NELL1: variants seen among roughly 807,000 people sequenced by gnomAD.
NELL1 encodes the protein protein kinase C-binding protein NELL1.
In NELL1, 76 loss-of-function variants were observed where a neutral mutation model predicts 107.4. The ratio of observed to expected loss-of-function variants is 0.71; its 90% confidence interval spans 0.59 to 0.86. The LOEUF (loss-of-function observed/expected upper bound fraction) is 0.86, where lower values mean the gene tolerates loss of function less well. Ranked by LOEUF, NELL1 falls within the 40% of genes least tolerant of loss-of-function variation. The probability of loss-of-function intolerance (pLI) is 0.00; values close to 1 mark genes in which losing one functional copy is unlikely to be tolerated. For missense variants in NELL1, 1,024 were observed against 1,005.5 expected, an observed-to-expected ratio of 1.02 and a Z score of -0.25; for synonymous variants, 353 against 341.2, an observed-to-expected ratio of 1.03 and a Z score of -0.38.
rs60248049 is a variant in NELL1, at chr11:21,390,510, AACACAC to A, written c.1645+19585_1645+19590del. On this transcript the variant is annotated intron_variant, in intron 15 of 19. Coordinates refer to ENST00000357134, the MANE Select transcript of NELL1 (RefSeq NM_006157.5). The stretch of plus-strand genomic sequence containing the variant: ...CGCTCATCCACAGTGTGTGTGGATG[AACACAC>A]ACACACACACACACACACACACGTG... Among the ~76,000 whole-genome samples the A allele has an allele frequency of 4.2e-3, 595 of 142,824 alleles. 6 individuals carry two copies. Among genetic ancestry groups the A allele is most frequent in the African/African-American group, 0.014 (538 of 39,326 alleles). 93.7% of individuals were successfully genotyped at this position (142,824 alleles called of 152,430 possible). A position where few individuals can be genotyped will look rare whatever the true frequency, so the allele number is the denominator to read the frequency against.
At chr11:21,367,671 A>C (rs4488195) in intron 14 of NELL1, among the ~76,000 whole-genome samples, 137,187 of 152,128 alleles carry the variant, frequency 0.9, 61,955 homozygotes, top group East Asian at 0.95. Flanking sequence ...CTGTGTGGGT[A>C]TACATTGGTA....
At chr11:20,800,538 G>A (rs1405299007) in intron 3 of NELL1, among the ~76,000 whole-genome samples, 1 of 152,052 alleles carries the variant, frequency 6.6e-6, no homozygotes, top group Non-Finnish European at 1.5e-5. Context: ...TTTTTAAATT[G>A]GATTATTTGT....
intron 15 of NELL1, among the ~76,000 whole-genome samples, chr11:21,375,178 ATAGT>A (rs944145326): frequency 1.3e-5 from 2 of 151,972 alleles, no homozygotes; most frequent in African/African-American, 2.4e-5. Flanking sequence ...ACAGTACTCA[ATAGT>A]TAGTTTTTCA....
intron 14 of NELL1, among the ~76,000 whole-genome samples, chr11:21,259,570 G>A (rs1858853178): frequency 6.6e-6 from 1 of 151,868 alleles, no homozygotes; most frequent in Non-Finnish European, 1.5e-5. Flanking sequence ...TAGACAGACT[G>A]GGGTCGGTAG....
chr11:20,939,035 T>C (rs1025717753), intron 10 of NELL1, among the ~76,000 whole-genome samples: 2 of 151,718 alleles, frequency 1.3e-5, no homozygotes, highest in South Asian at 2.1e-4. Flanking sequence ...GGAGGAGTGA[T>C]TGGAGGAGCA....
Position 20,847,584 on chromosome 11 carries a change from T to C in NELL1, c.337T>C (p.Tyr113His). The change falls in exon 4 of 20, where the codon TAT becomes CAT. Residue 113 changes from tyrosine to histidine, a missense_variant and splice_region_variant. Physicochemically the swap from Tyr to His is moderately conservative, Grantham distance 83 (BLOSUM62 2). Coordinates refer to ENST00000357134, the MANE Select transcript of NELL1 (RefSeq NM_006157.5). ...ILSIRELEHS[Y>H]FELESSGLRD... Reference sequence around the variant, plus strand: ...AAATGTTTGTTCCTTTACATACAGCTATTTTGAACTGGAGAGCAGTGGCCT... The same window carrying C: ...AAATGTTTGTTCCTTTACATACAGCCATTTTGAACTGGAGAGCAGTGGCCT... 1 of 1,611,952 alleles carries C rather than the reference T, an allele frequency of 6.2e-7. No individual in the cohort carries two copies. The highest frequency in any genetic ancestry group is 8.5e-7 in the Non-Finnish European group (1 of 1,179,146).
chr11:21,164,105 T>G (rs1451434077), intron 13 of NELL1, among the ~76,000 whole-genome samples: 1 of 152,184 alleles, frequency 6.6e-6, no homozygotes, highest in African/African-American at 2.4e-5. Flanking sequence ...ACCTTGATCT[T>G]AAATGTCTAG....
intron 12 of NELL1, among the ~76,000 whole-genome samples, chr11:21,047,060 T>A (rs1440812810): frequency 6.6e-6 from 1 of 152,004 alleles, no homozygotes; most frequent in East Asian, 1.9e-4. Flanking sequence ...GTTTTTCAGA[T>A]GATTAGAGGA....
intron 2 of NELL1, among the ~76,000 whole-genome samples, chr11:20,693,145 C>T (rs1854515307): frequency 6.6e-6 from 1 of 151,644 alleles, no homozygotes; most frequent in African/African-American, 2.4e-5. Context: ...CTTGGTAGAT[C>T]TTCCTCCATC....
At chr11:21,302,220 C>T (rs527640868) in intron 14 of NELL1, among the ~76,000 whole-genome samples, 187 of 152,162 alleles carry the variant, frequency 1.2e-3, no homozygotes, top group African/African-American at 4.1e-3. Flanking sequence ...TGTGAGGTTG[C>T]AGTCAGATAG....
intron 13 of NELL1, among the ~76,000 whole-genome samples, chr11:21,130,174 A>G (rs1855582828): frequency 6.6e-6 from 1 of 152,156 alleles, no homozygotes; most frequent in Non-Finnish European, 1.5e-5. Context: ...AGGATTAGGT[A>G]TGGATGCTTG....
At chr11:20,916,884 A>G (rs1434977681) in intron 5 of NELL1, among the ~76,000 whole-genome samples, 1 of 151,934 alleles carries the variant, frequency 6.6e-6, no homozygotes, top group Non-Finnish European at 1.5e-5. Context: ...TCTTTTCCAG[A>G]TGAAGCAACT....
chr11:21,291,709 A>G (rs1849266614), intron 14 of NELL1, among the ~76,000 whole-genome samples: 2 of 152,200 alleles, frequency 1.3e-5, no homozygotes, highest in African/African-American at 2.4e-5. Context: ...CCAGCAGCAC[A>G]TCAAAAAGTT....
intron 9 of NELL1, among the ~76,000 whole-genome samples, chr11:20,929,511 G>T (rs1850572671): frequency 6.6e-6 from 1 of 151,606 alleles, no homozygotes; most frequent in South Asian, 2.1e-4. Flanking sequence ...CTAAAGAGAA[G>T]AACTTTCTTA....
intron 2 of NELL1, among the ~76,000 whole-genome samples, chr11:20,757,695 C>T (rs1429946201): frequency 6.6e-6 from 1 of 152,198 alleles, no homozygotes; most frequent in Admixed American, 6.5e-5. Context: ...CCTTTAGGCT[C>T]AGCCTCTGAG....
intron 14 of NELL1, chr11:21,284,364 C>T (rs1191891764): frequency 2.2e-6 from 1 of 457,058 alleles, no homozygotes; most frequent in Non-Finnish European, 4.4e-6. Flanking sequence ...AAGATCATGA[C>T]TAAGGCCAAG....
At chr11:20,741,279 C>A (rs529873308) in intron 2 of NELL1, among the ~76,000 whole-genome samples, 7 of 152,200 alleles carry the variant, frequency 4.6e-5, no homozygotes, top group African/African-American at 7.2e-5. Flanking sequence ...TCTTAATCCA[C>A]GTCCCAAATA....
At chr11:21,467,392 T>A (rs991607851) in intron 15 of NELL1, among the ~76,000 whole-genome samples, 1 of 152,120 alleles carries the variant, frequency 6.6e-6, no homozygotes. Flanking sequence ...TACAATTATA[T>A]ATTTATTGTC....
intron 13 of NELL1, among the ~76,000 whole-genome samples, chr11:21,153,676 C>G (rs1321726042): frequency 6.6e-6 from 1 of 152,088 alleles, no homozygotes; most frequent in Non-Finnish European, 1.5e-5. Flanking sequence ...GGCCTTTTGG[C>G]TAAGATCAAG....
Sources: gnomAD v4.1 joint callset for allele counts (sites outside exome capture counted in the v4.1 genomes callset) on GRCh38, gnomAD v4.1.1 for gene constraint, MANE v1.5 for transcripts, NCBI Gene and HGNC (gene_info 2026-07-23, HGNC 2026-07-21) for gene names.